NR5A2: variants seen among roughly 807,000 people sequenced by gnomAD.
NR5A2 encodes nuclear receptor subfamily 5 group A member 2.
Under a neutral mutation model 62.7 loss-of-function variants are expected in NR5A2, and 26 were observed. That is an observed-to-expected ratio of 0.41 (90% CI 0.30 to 0.58). The LOEUF (loss-of-function observed/expected upper bound fraction) is 0.58. Ranked by LOEUF, NR5A2 falls within the 20% of genes least tolerant of loss-of-function variation. NR5A2 has a pLI of 0.22. For synonymous variants in NR5A2, 246 were observed against 241.7 expected (o/e 1.02, Z -0.16); for missense variants, 541 against 669.1 (o/e 0.81, Z 2.11).
intron 5 of NR5A2, among the ~76,000 whole-genome samples, chr1:200,077,130 A>G (rs1488339222): frequency 1.3e-5 from 2 of 152,268 alleles, no homozygotes; most frequent in Non-Finnish European, 2.9e-5. Flanking sequence ...TTAAACATTT[A>G]TTCATACCAA....
At position 200,039,808 on chromosome 1, in the gene NR5A2, C is replaced by T; in HGVS notation, c.202+13C>T. 6.3e-7 allele frequency: 1 copy of T among 1,588,186 alleles called. No individual in the cohort carries two copies. Among genetic ancestry groups the T allele is most frequent in the South Asian group, 1.1e-5 (1 of 88,990 alleles). On this transcript the variant is annotated intron_variant, in intron 2 of 7. Coordinates refer to ENST00000367362, the MANE Select transcript of NR5A2 (RefSeq NM_205860.3). This position sits in a 1 kb window ranked among gnomAD's most constrained non-coding sequence, Gnocchi z 5.1. The stretch of plus-strand genomic sequence containing the variant: ...GAAAACATGCAAGGTAAGGAGGCGC[C>T]GCGCGGCGCTCCGGCTCCCGCTGCT...
chr1:200,029,564 G>A (rs1260865493), intron 1 of NR5A2: 2 of 152,464 alleles, frequency 1.3e-5, no homozygotes, highest in South Asian at 2.1e-4. Context: ...GGGAACCGGA[G>A]GACTGTCGGT....
chr1:200,151,677 A>C (rs1269399321), intron 7 of NR5A2, among the ~76,000 whole-genome samples: 1 of 152,268 alleles, frequency 6.6e-6, no homozygotes, highest in African/African-American at 2.4e-5. Context: ...TCATGTTTCA[A>C]AATGAGCACA....
At chr1:200,042,548 C>G (rs941820523) in intron 2 of NR5A2, among the ~76,000 whole-genome samples, 1 of 152,220 alleles carries the variant, frequency 6.6e-6, no homozygotes, top group Admixed American at 6.5e-5. Context: ...TGCCCCACCC[C>G]CTGCAAACGC....
chr1:200,038,903 A>G (rs1447255887), intron 1 of NR5A2: 1 of 488,674 alleles, frequency 2.0e-6, no homozygotes, highest in African/African-American at 2.1e-5. Flanking sequence ...GCTGGCGGCT[A>G]GTGTCCGACC....
At chr1:200,052,987 G>C (rs1329252634) in intron 5 of NR5A2, among the ~76,000 whole-genome samples, 1 of 151,746 alleles carries the variant, frequency 6.6e-6, no homozygotes, top group Non-Finnish European at 1.5e-5. Context: ...CTACCACATA[G>C]GAAAAAAAGA....
intron 5 of NR5A2, among the ~76,000 whole-genome samples, chr1:200,076,291 C>A (rs1441908994): frequency 6.6e-6 from 1 of 152,096 alleles, no homozygotes; most frequent in Non-Finnish European, 1.5e-5. Flanking sequence ...TTGTGAAGAC[C>A]AACTAAGTCC....
At chr1:200,049,981 A>G (rs1662550451) in intron 5 of NR5A2, among the ~76,000 whole-genome samples, 1 of 152,252 alleles carries the variant, frequency 6.6e-6, no homozygotes. Flanking sequence ...AGACCTAAAT[A>G]AGTTGATAAA....
At chr1:200,150,918 C>T (rs1299468120) in intron 7 of NR5A2, among the ~76,000 whole-genome samples, 1 of 152,190 alleles carries the variant, frequency 6.6e-6, no homozygotes, top group Non-Finnish European at 1.5e-5. Flanking sequence ...CCAGGTTCCA[C>T]AAGAGTGCTC....
intron 7 of NR5A2, among the ~76,000 whole-genome samples, chr1:200,127,322 C>T (rs1666747172): frequency 6.6e-6 from 1 of 151,744 alleles, no homozygotes; most frequent in Admixed American, 6.6e-5. Context: ...ATTTTTTTTT[C>T]AATAAATACA....
At chr1:200,094,376 A>C (rs1311483146) in intron 5 of NR5A2, among the ~76,000 whole-genome samples, 1 of 150,764 alleles carries the variant, frequency 6.6e-6, no homozygotes, top group Non-Finnish European at 1.5e-5. Flanking sequence ...GTAGAGATGG[A>C]GTTTCACCAT....
chr1:200,086,850 C>T (rs1234689504), intron 5 of NR5A2, among the ~76,000 whole-genome samples: 3 of 152,038 alleles, frequency 2.0e-5, no homozygotes, highest in African/African-American at 4.8e-5. Context: ...ACTAGCCTGA[C>T]CTACATGGTG....
At chr1:200,160,986 A>G (rs887985286) in intron 7 of NR5A2, among the ~76,000 whole-genome samples, 1 of 152,006 alleles carries the variant, frequency 6.6e-6, no homozygotes, top group African/African-American at 2.4e-5. Flanking sequence ...TGAGTACAAA[A>G]AAAAAAAAAT....
At chr1:200,061,147 G>C (rs1663197647) in intron 5 of NR5A2, among the ~76,000 whole-genome samples, 1 of 147,794 alleles carries the variant, frequency 6.8e-6, no homozygotes, top group African/African-American at 2.5e-5. Context: ...AAAAAATTAA[G>C]TCTGAAGTAC....
chr1:200,159,441 G>A (rs945655453), intron 7 of NR5A2, among the ~76,000 whole-genome samples: 1 of 152,050 alleles, frequency 6.6e-6, no homozygotes, highest in African/African-American at 2.4e-5. Flanking sequence ...GGGGTTGGGC[G>A]AGAGCATAAC....
At chr1:200,170,742 T>C (rs1447434327) in intron 7 of NR5A2, among the ~76,000 whole-genome samples, 1 of 152,212 alleles carries the variant, frequency 6.6e-6, no homozygotes, top group Admixed American at 6.5e-5. Context: ...ACATGTAAAT[T>C]AGAACTTGAT....
chr1:200,042,624 C>T (rs1292613187), intron 2 of NR5A2, among the ~76,000 whole-genome samples: 1 of 152,258 alleles, frequency 6.6e-6, no homozygotes, highest in African/African-American at 2.4e-5. Flanking sequence ...GAGGTAGAGC[C>T]TAGGCGAGAG....
At chr1:200,168,684 A>C (rs1363160484) in intron 7 of NR5A2, among the ~76,000 whole-genome samples, 2 of 152,188 alleles carry the variant, frequency 1.3e-5, no homozygotes, top group African/African-American at 4.8e-5. Context: ...ATCTCAGTTT[A>C]GGTGTCAGCA....
chr1:200,113,931 A>T (rs1315343831), intron 6 of NR5A2, among the ~76,000 whole-genome samples: 1 of 152,204 alleles, frequency 6.6e-6, no homozygotes, highest in Non-Finnish European at 1.5e-5. Context: ...CTGTAATCCC[A>T]GCGCTTTGGG....
Sources: gnomAD v4.1 joint callset for allele counts (sites outside exome capture counted in the v4.1 genomes callset) on GRCh38, gnomAD v4.1.1 for gene constraint, Gnocchi (gnomAD v3.1) non-coding constraint, MANE v1.5 for transcripts, NCBI Gene and HGNC (gene_info 2026-07-23, HGNC 2026-07-21) for gene names.